The following FBXW7 variants were observed in gnomAD, a reference collection of about 807,000 sequenced individuals.
FBXW7 encodes the protein F-box/WD repeat-containing protein 7.
A neutral mutation model predicts 86.3 loss-of-function variants in FBXW7; 11 were observed. The observed-to-expected ratio is 0.13, with a 90% CI of 0.08 to 0.21. The LOEUF is 0.21. Ranked by LOEUF, FBXW7 falls within the 10% of genes least tolerant of loss-of-function variation. The pLI, the probability that FBXW7 is intolerant of heterozygous loss-of-function variation, is 1.00. For synonymous variants in FBXW7, 313 were observed against 297.9 expected (o/e 1.05, Z -0.52); for missense variants, 488 against 847.4 (o/e 0.58, Z 5.27).
In FBXW7 at chr4:152,535,049, T is replaced by C. The variant is rs1750387467; in HGVS notation, c.-212-16A>G. ...CGGCGCGGTACTGAGGAAGAAGCGGTGCTCGTGTCGCTAAACCAGGCGGCA... is the reference window on the plus strand; with the variant it reads ...CGGCGCGGTACTGAGGAAGAAGCGGCGCTCGTGTCGCTAAACCAGGCGGCA... On this transcript the variant is annotated splice_polypyrimidine_tract_variant and intron_variant, in intron 1 of 13. Transcript: ENST00000281708. 2 of 152,298 alleles carry C rather than the reference T, an allele frequency of 1.3e-5. No individual in the cohort carries two copies. Among genetic ancestry groups the C allele is most frequent in the Admixed American group, 6.5e-5 (1 of 15,282 alleles). The allele number at this position is 152,298 out of a possible 1,614,324, so 9.4% of individuals were successfully genotyped here. A position where few individuals can be genotyped will look rare whatever the true frequency, so the allele number is the denominator to read the frequency against.
At chr4:152,497,094 G>A (rs1335307597) in intron 2 of FBXW7, among the ~76,000 whole-genome samples, 8 of 152,016 alleles carry the variant, frequency 5.3e-5, no homozygotes, top group African/African-American at 1.9e-4. Flanking sequence ...AGGCCAAGGC[G>A]GGCAGATCAC....
intron 2 of FBXW7, among the ~76,000 whole-genome samples, chr4:152,465,566 C>A (rs898109638): frequency 1.3e-5 from 2 of 151,988 alleles, no homozygotes; most frequent in Non-Finnish European, 2.9e-5. Context: ...CCCATCTGGC[C>A]AGGCGCGGTG....
intron 4 of FBXW7, among the ~76,000 whole-genome samples, chr4:152,398,887 C>T (rs186437877): frequency 6.6e-6 from 1 of 151,936 alleles, no homozygotes; most frequent in Non-Finnish European, 1.5e-5. Flanking sequence ...TAACCACTGG[C>T]CAAATGTTTG....
At chr4:152,367,082 C>T (rs1204621962) in intron 4 of FBXW7, among the ~76,000 whole-genome samples, 1 of 152,092 alleles carries the variant, frequency 6.6e-6, no homozygotes, top group Non-Finnish European at 1.5e-5. Context: ...ACAATGAGAA[C>T]ATTTGGACAC....
chr4:152,485,749 G>A (rs1423013849), intron 2 of FBXW7, among the ~76,000 whole-genome samples: 2 of 152,152 alleles, frequency 1.3e-5, no homozygotes, highest in African/African-American at 4.8e-5. Flanking sequence ...CATAAGGTAA[G>A]GAGAGAATGT....
chr4:152,386,168 A>G (rs1193082692), intron 4 of FBXW7, among the ~76,000 whole-genome samples: 1 of 152,088 alleles, frequency 6.6e-6, no homozygotes, highest in African/African-American at 2.4e-5. Flanking sequence ...ATACTCTTTA[A>G]TTACTACCCA....
chr4:152,475,195 C>A (rs573583575), intron 2 of FBXW7, among the ~76,000 whole-genome samples: 6 of 151,602 alleles, frequency 4.0e-5, no homozygotes, highest in East Asian at 1.9e-4. Flanking sequence ...AATCCCAGTA[C>A]AAGTGGGAGG....
At chr4:152,465,696 T>C (rs1357693247) in intron 2 of FBXW7, among the ~76,000 whole-genome samples, 1 of 151,806 alleles carries the variant, frequency 6.6e-6, no homozygotes, top group African/African-American at 2.4e-5. Context: ...ATACAAAAAT[T>C]AGCCGGGCAT....
chr4:152,423,128 G>A (rs1739088388), intron 2 of FBXW7, among the ~76,000 whole-genome samples: 1 of 152,094 alleles, frequency 6.6e-6, no homozygotes, highest in South Asian at 2.1e-4. Context: ...GTGTCATCTA[G>A]CATCTGGTTT....
At chr4:152,453,380 G>A (rs1579242368) in intron 2 of FBXW7, among the ~76,000 whole-genome samples, 2 of 152,048 alleles carry the variant, frequency 1.3e-5, no homozygotes, top group East Asian at 1.9e-4. Flanking sequence ...CAAACCCCAC[G>A]TCACCCCATG....
At chr4:152,433,704 A>AT (rs1413925300) in intron 2 of FBXW7, among the ~76,000 whole-genome samples, 1 of 152,148 alleles carries the variant, frequency 6.6e-6, no homozygotes, top group Non-Finnish European at 1.5e-5. Flanking sequence ...CAGTCACAGG[A>AT]TTTTTTCCAG....
chr4:152,506,154 C>T (rs928914458), intron 2 of FBXW7, among the ~76,000 whole-genome samples: 7 of 151,154 alleles, frequency 4.6e-5, no homozygotes, highest in African/African-American at 1.2e-4. Context: ...TTTTTTGAGA[C>T]GGAGTCTTGC....
At chr4:152,524,621 TCTGA>T (rs1749329332) in intron 2 of FBXW7, among the ~76,000 whole-genome samples, 1 of 152,150 alleles carries the variant, frequency 6.6e-6, no homozygotes, top group South Asian at 2.1e-4. Context: ...GGGTGTGACC[TCTGA>T]CTAAGACTGA....
chr4:152,450,903 A>C (rs1234030514), intron 2 of FBXW7, among the ~76,000 whole-genome samples: 1 of 152,208 alleles, frequency 6.6e-6, no homozygotes, highest in Non-Finnish European at 1.5e-5. Context: ...CTTGACTTGC[A>C]ATGTTCCTTC....
intron 4 of FBXW7, among the ~76,000 whole-genome samples, chr4:152,395,424 T>C (rs997635933): frequency 1.3e-5 from 2 of 152,086 alleles, no homozygotes. Flanking sequence ...CCTCATATTC[T>C]ACTCCAGTAT....
intron 12 of FBXW7, 35 bp from the exon 13 acceptor site, chr4:152,324,429 G>C (rs1728819204): frequency 6.7e-7 from 1 of 1,489,778 alleles, no homozygotes; most frequent in East Asian, 2.5e-5. Context: ...ATAGAAGTAT[G>C]GATACTCTTC....
chr4:152,523,344 T>C (rs942507149), intron 2 of FBXW7, among the ~76,000 whole-genome samples: 2 of 152,110 alleles, frequency 1.3e-5, no homozygotes, highest in South Asian at 2.1e-4. Flanking sequence ...GCAAATTAAA[T>C]GTATCAGTTA....
chr4:152,501,389 GA>G (rs1210568969), intron 2 of FBXW7, among the ~76,000 whole-genome samples: 2 of 152,110 alleles, frequency 1.3e-5, no homozygotes, highest in Non-Finnish European at 2.9e-5. Context: ...AAGACAGAAT[GA>G]AATAAACATC....
At chr4:152,401,427 G>T (rs956888252) in intron 4 of FBXW7, among the ~76,000 whole-genome samples, 1 of 152,178 alleles carries the variant, frequency 6.6e-6, no homozygotes, top group Non-Finnish European at 1.5e-5. Context: ...GTAAGTGAAA[G>T]AAGCCAATCT....
Sources: allele counts gnomAD v4.1 joint callset (sites outside exome capture counted in the v4.1 genomes callset), GRCh38; gene constraint gnomAD v4.1.1; transcripts MANE v1.5; gene names NCBI Gene and HGNC (gene_info 2026-07-23, HGNC 2026-07-21).